Variants in UGT1A10 observed in about 807,000 individuals in gnomAD.
The protein encoded by UGT1A10 is UDP glucuronosyltransferase family 1 member A10, also known as UDP-glucuronosyltransferase 1A10.
UGT1A10 carries 49 observed loss-of-function variants against 45.8 expected under a neutral mutation model. The observed-to-expected ratio is 1.07, with a 90% CI of 0.85 to 1.36. The LOEUF (loss-of-function observed/expected upper bound fraction) is 1.36. Among genes scored for constraint, UGT1A10 ranks in the 40% most tolerant of loss-of-function variants. UGT1A10 has a pLI of 0.00. For missense variants in UGT1A10, 745 were observed against 668.6 expected (o/e 1.11, Z -1.26); for synonymous variants, 284 against 249.7 (o/e 1.14, Z -1.29).
chr2:233,679,229 C>T (rs1164085871), intron 1 of UGT1A10, among the ~76,000 whole-genome samples: 1 of 152,170 alleles, frequency 6.6e-6, no homozygotes, highest in Non-Finnish European at 1.5e-5. Flanking sequence ...AGGGAATGGT[C>T]CAATATCGAA....
At position 233,732,958 on chromosome 2, in the gene UGT1A10, C is replaced by T. The variant is rs75520741; in HGVS notation, c.856-34076C>T. Among the ~76,000 whole-genome samples, 102 of 152,154 alleles carry T rather than the reference C, an allele frequency of 6.7e-4. 1 individual carries two copies. Among genetic ancestry groups the T allele is most frequent in the Non-Finnish European group, 1.2e-3 (82 of 67,996 alleles). ...TATCCATGAGCATGGAATGTTCTTC[C>T]ATTTGTTTGTGTCTTCTTTTATTTC... On this transcript the variant is annotated intron_variant, in intron 1 of 4. Coordinates refer to ENST00000344644, the MANE Select transcript of UGT1A10 (RefSeq NM_019075.4).
In UGT1A10 at chr2:233,636,547, C is replaced by A. The variant is rs780167579; in HGVS notation, c.25C>A (p.Pro9Thr). ...CATGGCTCGCGCAGGGTGGACCAGC[C>A]CCGTTCCTTTATGTGTGTGTCTACT... MARAGWTS[P>T]VPLCVCLLLT... Residue 9 changes from proline (P) to threonine (T), a missense_variant, in exon 1 of 5, where the codon CCC becomes ACC. Pro to Thr is a conservative substitution (Grantham distance 38). Coordinates refer to ENST00000344644, the MANE Select transcript of UGT1A10 (RefSeq NM_019075.4). 13 of 1,614,014 alleles carry A rather than the reference C, an allele frequency of 8.1e-6. No homozygotes were observed. Among genetic ancestry groups the A allele is most frequent in the Non-Finnish European group, 1.1e-5 (13 of 1,179,952 alleles).
chr2:233,656,187 A>G (rs1383510796), intron 1 of UGT1A10, among the ~76,000 whole-genome samples: 3 of 152,228 alleles, frequency 2.0e-5, no homozygotes, highest in Admixed American at 2.0e-4. Context: ...TGCATGTTAC[A>G]TATGACCCGT....
intron 1 of UGT1A10, chr2:233,713,215 T>TC: frequency 6.2e-7 from 1 of 1,614,220 alleles, no homozygotes; most frequent in South Asian, 1.1e-5. Flanking sequence ...GAGAACTTTT[T>TC]CACCCTGACA....
At chr2:233,666,296 C>A (rs1402966002) in intron 1 of UGT1A10, among the ~76,000 whole-genome samples, 2 of 152,198 alleles carry the variant, frequency 1.3e-5, no homozygotes, top group Non-Finnish European at 2.9e-5. Context: ...GCCCCACTTT[C>A]AACATTAGAG....
intron 1 of UGT1A10, among the ~76,000 whole-genome samples, chr2:233,709,536 G>C (rs1018378617): frequency 1.3e-5 from 2 of 152,044 alleles, no homozygotes; most frequent in Admixed American, 1.3e-4. Flanking sequence ...TTCCTACTGT[G>C]ATATATGTAA....
chr2:233,685,677 T>C (rs757751672), intron 1 of UGT1A10, among the ~76,000 whole-genome samples: 3 of 152,234 alleles, frequency 2.0e-5, no homozygotes, highest in Non-Finnish European at 2.9e-5. Context: ...TGTGTACCCA[T>C]ATAGCCATTC....
intron 1 of UGT1A10, chr2:233,743,889 C>T: frequency 7.3e-7 from 1 of 1,366,986 alleles, no homozygotes; most frequent in Non-Finnish European, 9.8e-7. Context: ...TGCCGGGGCA[C>T]GTCCAGCACC....
intron 1 of UGT1A10, among the ~76,000 whole-genome samples, chr2:233,690,308 C>T (rs1218520610): frequency 6.6e-6 from 1 of 152,180 alleles, no homozygotes; most frequent in Non-Finnish European, 1.5e-5. Context: ...GGCTCCATTA[C>T]TTATGGGTCG....
At chr2:233,650,632 A>G (rs1371424560) in intron 1 of UGT1A10, among the ~76,000 whole-genome samples, 7 of 152,256 alleles carry the variant, frequency 4.6e-5, no homozygotes, top group Admixed American at 3.9e-4. Context: ...TTTTTTTTAA[A>G]GCATCAGTGA....
intron 1 of UGT1A10, chr2:233,740,801 T>C (rs1183144283): frequency 3.3e-5 from 5 of 152,052 alleles, no homozygotes; most frequent in African/African-American, 1.2e-4. Context: ...TAACAGGCTC[T>C]AGCACTGTTC....
Position 233,637,192 on chromosome 2 carries a change from T to C in UGT1A10, c.670T>C (p.Phe224Leu). 1 of 1,613,974 alleles carries C rather than the reference T, an allele frequency of 6.2e-7. No individual in the cohort carries two copies. The highest frequency in any genetic ancestry group is 8.5e-7 in the Non-Finnish European group (1 of 1,179,864). ...GGACCATTTATTTTGCCAGTATCTT[T>C]TTAGAAATGCCCTAGAAATAGCCTC... ...LEDHLFCQYL[F>L]RNALEIASEI... The change falls in exon 1 of 5, where the codon TTT (phenylalanine) becomes CTT (leucine). Residue 224 changes from phenylalanine (F) to leucine (L), a missense_variant. Phe to Leu is a conservative substitution (Grantham distance 22). Transcript: ENST00000344644.
At chr2:233,643,528 T>C (rs772773856) in intron 1 of UGT1A10, among the ~76,000 whole-genome samples, 14 of 152,232 alleles carry the variant, frequency 9.2e-5, no homozygotes, top group South Asian at 2.1e-4. Context: ...AAAAGCCCTC[T>C]TGATGCTCTA....
rs1464926221 is a variant in UGT1A10, at chr2:233,757,539, T to A, written c.856-9495T>A. ...GCCAAAATCTTGCCTGTAAGGAATA[T>A]ATATATATATATATATATATATGTA... On this transcript the variant is annotated intron_variant, in intron 1 of 4. Coordinates refer to ENST00000344644, the MANE Select transcript of UGT1A10 (RefSeq NM_019075.4). 4.5e-4 allele frequency among the ~76,000 whole-genome samples: 52 copies of A among 115,728 alleles called. 1 individual carries two copies. Among genetic ancestry groups the A allele is most frequent in the African/African-American group, 1.8e-3 (48 of 26,632 alleles). 75.9% of individuals were successfully genotyped at this position (115,728 alleles called of 152,430 possible). A position where few individuals can be genotyped will look rare whatever the true frequency, so the allele number is the denominator to read the frequency against.
At chr2:233,746,211 T>C (rs371025099) in intron 1 of UGT1A10, among the ~76,000 whole-genome samples, 2 of 151,850 alleles carry the variant, frequency 1.3e-5, no homozygotes, top group East Asian at 3.9e-4. Flanking sequence ...TATACTCTAA[T>C]AGCAAGGACA....
chr2:233,718,763 A>G (rs2076681520), intron 1 of UGT1A10: 3 of 1,612,572 alleles, frequency 1.9e-6, no homozygotes, highest in Non-Finnish European at 1.7e-6. Flanking sequence ...GGCGAAGGAA[A>G]CAAATGTAGC....
intron 1 of UGT1A10, among the ~76,000 whole-genome samples, chr2:233,649,644 T>G (rs1027129667): frequency 6.6e-6 from 1 of 152,246 alleles, no homozygotes; most frequent in African/African-American, 2.4e-5. Context: ...AATAATTGCA[T>G]AAAAGTCTTT....
rs56060130 is a variant in UGT1A10, at chr2:233,639,768, T to C, written c.855+2391T>C. Among the ~76,000 whole-genome samples the C allele has an allele frequency of 3.3e-5, 5 of 152,334 alleles. 1 individual carries two copies. The South Asian group carries it at 1.0e-3, about 32-fold the overall frequency. On this transcript the variant is annotated intron_variant, in intron 1 of 4. Coordinates refer to ENST00000344644, the MANE Select transcript of UGT1A10 (RefSeq NM_019075.4). ...TGATGGCAGATGGCCCCATCTCCAA[T>C]TTCAACATGGGATTTGGAGGGGACA...
intron 1 of UGT1A10, among the ~76,000 whole-genome samples, chr2:233,669,976 C>A (rs540454280): frequency 6.6e-6 from 1 of 152,116 alleles, no homozygotes; most frequent in Admixed American, 6.6e-5. Flanking sequence ...TGAGCCACCA[C>A]GCCCAGCACA....
Sources: gnomAD v4.1 joint callset for allele counts (sites outside exome capture counted in the v4.1 genomes callset) on GRCh38, gnomAD v4.1.1 for gene constraint, MANE v1.5 for transcripts, NCBI Gene and HGNC (gene_info 2026-07-23, HGNC 2026-07-21) for gene names.